Variants in POLA1 observed in about 807,000 individuals in gnomAD.
POLA1 encodes the protein DNA polymerase alpha catalytic subunit.
POLA1 carries 15 observed loss-of-function variants against 124.0 expected under a neutral mutation model. The ratio of observed to expected loss-of-function variants is 0.12; its 90% CI spans 0.08 to 0.19. The LOEUF (loss-of-function observed/expected upper bound fraction) is 0.19, where lower values mean the gene tolerates loss of function less well. POLA1 is among the 10% of genes least tolerant of loss of function. POLA1 has a pLI of 1.00. For synonymous variants in POLA1, 408 were observed against 389.4 expected, an observed-to-expected ratio of 1.05 and a Z score of -0.56; for missense variants, 886 against 1,103.4, an observed-to-expected ratio of 0.80 and a Z score of 2.79.
chrX:24,735,156 A>G (rs11573353), intron 17 of POLA1, among the ~76,000 whole-genome samples: 225 of 112,102 alleles, frequency 2.0e-3, no homozygotes, highest in Middle Eastern at 4.6e-3. Context: ...TCTATATTTT[A>G]TGTTGCTCAG....
intron 35 of POLA1, among the ~76,000 whole-genome samples, chrX:24,888,605 T>TTTTG (rs2047097153): frequency 1.1e-5 from 1 of 92,697 alleles, no homozygotes; most frequent in Admixed American, 1.1e-4. Flanking sequence ...TGCTTGTTTT[T>TTTTG]TTTTTTTTTT....
chrX:24,992,121 G>A (rs1886208947), intron 36 of POLA1, among the ~76,000 whole-genome samples: 2 of 112,061 alleles, frequency 1.8e-5, no homozygotes, highest in Non-Finnish European at 3.8e-5. Flanking sequence ...GTGCATAGCC[G>A]GAAGCTCAGT....
At chrX:24,721,288 C>G (rs907739043) in intron 10 of POLA1, among the ~76,000 whole-genome samples, 1 of 112,326 alleles carries the variant, frequency 8.9e-6, no homozygotes, top group African/African-American at 3.2e-5. Context: ...TATAATAGCT[C>G]TTTAGTGGTA....
chrX:24,837,543 A>G (rs914739554), intron 32 of POLA1, among the ~76,000 whole-genome samples: 2 of 112,081 alleles, frequency 1.8e-5, no homozygotes, highest in Admixed American at 1.9e-4. Flanking sequence ...GCTATTATGA[A>G]TAAAGCTGCT....
At chrX:24,860,051 A>T (rs1242604272) in intron 34 of POLA1, among the ~76,000 whole-genome samples, 1 of 112,232 alleles carries the variant, frequency 8.9e-6, no homozygotes, top group Non-Finnish European at 1.9e-5. Flanking sequence ...CTTTTCTTTT[A>T]CTTAATAGCA....
chrX:24,933,408 C>T lies in POLA1; in HGVS notation c.4261+2859C>T, dbSNP rs144935564. ...AAATGAGTTTAAAATCTAAGGGAAC[C>T]GGAGGGCAAATATATTTATTCAATT... On this transcript the variant is annotated intron_variant, in intron 36 of 36. Coordinates refer to ENST00000379068, the MANE Select transcript of POLA1 (RefSeq NM_001330360.2). 5.0e-3 allele frequency among the ~76,000 whole-genome samples: 563 copies of T among 111,690 alleles called. 3 individuals carry two copies. The highest frequency in any genetic ancestry group is 0.017 in the African/African-American group (511 of 30,759).
chrX:24,894,338 AT>A (rs753974301), intron 35 of POLA1, among the ~76,000 whole-genome samples: 2 of 111,792 alleles, frequency 1.8e-5, no homozygotes, highest in South Asian at 7.5e-4. Flanking sequence ...ATGCCTAGCA[AT>A]TTTTTTTGTA....
chrX:24,742,309 G>T (rs1931719901), intron 22 of POLA1, among the ~76,000 whole-genome samples, 188 bp downstream of exon 22: 1 of 111,827 alleles, frequency 8.9e-6, no homozygotes. Context: ...TTTGTAAAAG[G>T]AAAATGCACT....
chrX:24,825,690 A>G (rs2046160941), intron 31 of POLA1, among the ~76,000 whole-genome samples: 1 of 111,552 alleles, frequency 9.0e-6, no homozygotes, highest in South Asian at 3.8e-4. Context: ...TATAGAGTAA[A>G]AGAGAAAACC....
At chrX:24,825,370 C>G (rs999530412) in intron 31 of POLA1, among the ~76,000 whole-genome samples, 1 of 112,155 alleles carries the variant, frequency 8.9e-6, no homozygotes, top group African/African-American at 3.2e-5. Flanking sequence ...CCTCTGGTCT[C>G]TGGTAAAGAC....
At chrX:24,813,070 G>A (rs1187505762) in intron 29 of POLA1, among the ~76,000 whole-genome samples, 1 of 111,411 alleles carries the variant, frequency 9.0e-6, no homozygotes, top group Non-Finnish European at 1.9e-5. Context: ...AATTTGCTCA[G>A]TGAGAAATGC....
At position 24,716,393 on chromosome X, in the gene POLA1, T is replaced by C. The variant is rs61756399; in HGVS notation, c.557T>C (p.Ile186Thr). The C allele has an allele frequency of 3.6e-4, 422 of 1,183,601 alleles. 1 individual carries two copies. The African/African-American group carries it at 6.9e-3, about 19-fold the overall frequency. Residue 186 changes from isoleucine to threonine, a missense_variant, in exon 7 of 37, where the codon ATA becomes ACA. Ile to Thr is a moderately conservative substitution (Grantham distance 89, BLOSUM62 -1). Around this residue, in one of 7 missense-constraint regions of POLA1, gnomAD observed 337 missense variants for 402.8 expected, o/e 0.84. Transcript: ENST00000379068. ...CAAATAACTCCACCACCTGTAATGA[T>C]ACTGAAGAAGAAAAGATCCATTGGA... ...TPQITPPPVM[I>T]LKKKRSIGAS... is the part of the protein sequence containing the mutation.
intron 30 of POLA1, among the ~76,000 whole-genome samples, chrX:24,820,811 A>G (rs1336061566): frequency 9.0e-6 from 1 of 110,733 alleles, no homozygotes; most frequent in African/African-American, 3.3e-5. Flanking sequence ...TAATACTGGA[A>G]CAAATTATTC....
chrX:24,891,205 TC>T (rs1202498143), intron 35 of POLA1, among the ~76,000 whole-genome samples: 1 of 112,022 alleles, frequency 8.9e-6, no homozygotes, highest in Non-Finnish European at 1.9e-5. Context: ...CATATCCTTG[TC>T]CTTCTCAAAA....
At chrX:24,740,184 T>C (rs1364834185) in intron 20 of POLA1, among the ~76,000 whole-genome samples, 1 of 111,865 alleles carries the variant, frequency 8.9e-6, no homozygotes, top group East Asian at 2.8e-4. Flanking sequence ...CTATAGTCTT[T>C]CCTTACTAAA....
chrX:24,759,762 A>G (rs1489937618), intron 26 of POLA1, among the ~76,000 whole-genome samples: 3 of 112,093 alleles, frequency 2.7e-5, no homozygotes, highest in African/African-American at 9.7e-5. Flanking sequence ...AGCACCACTG[A>G]TCTCTGCTGA....
rs1931363960 is a variant in POLA1 at position 24,737,731 on chromosome X, C to G, written c.2030C>G (p.Pro677Arg). 9.4e-7 allele frequency: 1 copy of G among 1,061,240 alleles called. No individual in the cohort carries two copies. Among genetic ancestry groups the G allele is most frequent in the Non-Finnish European group, 1.3e-6 (1 of 767,727 alleles). 87.5% of individuals were successfully genotyped at this position (1,061,240 alleles called of 1,213,427 possible). A position where few individuals can be genotyped will look rare whatever the true frequency, so the allele number is the denominator to read the frequency against. ...KIGRLKRSNMPKLGGRSGFGE... is the reference protein window; with the variant it reads ...KIGRLKRSNMRKLGGRSGFGE... ...GGTCGACTGAAGCGATCCAACATGC[C>G]AAAGCTTGGGGTAATAATAATTTTC... The change falls in exon 19 of 37, where the codon CCA (proline) becomes CGA (arginine). Residue 677 changes from proline to arginine, a missense_variant. Coordinates refer to ENST00000379068, the MANE Select transcript of POLA1 (RefSeq NM_001330360.2).
intron 26 of POLA1, among the ~76,000 whole-genome samples, chrX:24,771,777 GT>G: frequency 9.0e-6 from 1 of 111,719 alleles, no homozygotes; most frequent in Middle Eastern, 4.6e-3. Context: ...GCACATGAAA[GT>G]GCTAGTTTTA....
chrX:24,750,290 A>G (rs1369257618), intron 26 of POLA1, among the ~76,000 whole-genome samples: 1 of 112,620 alleles, frequency 8.9e-6, no homozygotes, highest in East Asian at 2.8e-4. Flanking sequence ...GTAGAACTTT[A>G]TGATGATGAA....
Sources: gnomAD v4.1 joint callset for allele counts (sites outside exome capture counted in the v4.1 genomes callset) on GRCh38, gnomAD v4.1.1 for gene constraint, gnomAD v4.1.1 regional missense constraint, MANE v1.5 for transcripts, NCBI Gene and HGNC (gene_info 2026-07-23, HGNC 2026-07-21) for gene names.